DLGAP2: variants seen among roughly 807,000 people sequenced by gnomAD.
DLGAP2 encodes DLG associated protein 2, also known as disks large-associated protein 2.
A neutral mutation model predicts 100.3 loss-of-function variants in DLGAP2; 26 were observed. The ratio of observed to expected loss-of-function variants is 0.26; its 90% CI spans 0.19 to 0.36. DLGAP2 has a LOEUF of 0.36. Among genes scored for constraint, DLGAP2 ranks in the 10% least tolerant of loss-of-function variants. The pLI is 1.00. For synonymous variants in DLGAP2, 886 were observed against 630.1 expected (o/e 1.41, Z -6.08); for missense variants, 1,858 against 1,453.2 (o/e 1.28, Z -4.53).
At chr8:1,001,251 C>G (rs1417498159) in intron 2 of DLGAP2, among the ~76,000 whole-genome samples, 1 of 152,196 alleles carries the variant, frequency 6.6e-6, no homozygotes, top group African/African-American at 2.4e-5. Flanking sequence ...TTGTACTGCA[C>G]ACAGCCTTTC....
chr8:951,225 C>A (rs1030250913), intron 2 of DLGAP2, among the ~76,000 whole-genome samples: 5 of 152,108 alleles, frequency 3.3e-5, no homozygotes, highest in Non-Finnish European at 5.9e-5. Context: ...TATTTTGTTA[C>A]TTTAAAAAAT....
At chr8:1,662,584 T>C (rs1002942071) in intron 8 of DLGAP2, among the ~76,000 whole-genome samples, 7 of 152,242 alleles carry the variant, frequency 4.6e-5, no homozygotes, top group African/African-American at 1.4e-4. Context: ...TGGAGAAGCA[T>C]CTGAATCTCA....
At chr8:1,167,039 G>C (rs1289335812) in intron 2 of DLGAP2, among the ~76,000 whole-genome samples, 1 of 152,162 alleles carries the variant, frequency 6.6e-6, no homozygotes, top group East Asian at 1.9e-4. Flanking sequence ...TGTAGGCTGA[G>C]GTGGGAGGAT....
intron 1 of DLGAP2, among the ~76,000 whole-genome samples, chr8:842,421 A>T (rs1200777314): frequency 6.6e-6 from 1 of 152,226 alleles, no homozygotes; most frequent in African/African-American, 2.4e-5. Context: ...TTGAACAGGC[A>T]CGTGCTTGAA....
intron 3 of DLGAP2, among the ~76,000 whole-genome samples, chr8:1,283,485 T>C (rs1202856618): frequency 6.6e-6 from 1 of 152,264 alleles, no homozygotes; most frequent in Non-Finnish European, 1.5e-5. Context: ...CATCCTTTGC[T>C]CTGCTGAAAA....
chr8:1,128,683 T>C (rs1461912097), intron 2 of DLGAP2, among the ~76,000 whole-genome samples: 1 of 152,218 alleles, frequency 6.6e-6, no homozygotes, highest in African/African-American at 2.4e-5. Context: ...AGATATGAGA[T>C]TGATTTAGCT....
At chr8:1,274,888 C>G (rs954425486) in intron 3 of DLGAP2, among the ~76,000 whole-genome samples, 1 of 151,998 alleles carries the variant, frequency 6.6e-6, no homozygotes, top group Non-Finnish European at 1.5e-5. Context: ...GTAGCAATTA[C>G]TTTATGAATA....
chr8:1,072,065 C>T (rs180701476), intron 2 of DLGAP2, among the ~76,000 whole-genome samples: 16 of 152,306 alleles, frequency 1.1e-4, no homozygotes, highest in Admixed American at 3.3e-4. Flanking sequence ...AGTGGATGAT[C>T]TTTGGCTCCG....
intron 8 of DLGAP2, among the ~76,000 whole-genome samples, chr8:1,666,091 TA>T: frequency 6.6e-6 from 1 of 152,340 alleles, no homozygotes; most frequent in East Asian, 1.9e-4. Context: ...AAATATTTCC[TA>T]ACCCAGGTCT....
intron 1 of DLGAP2, among the ~76,000 whole-genome samples, chr8:783,428 G>C (rs560508375): frequency 6.6e-6 from 1 of 152,198 alleles, no homozygotes; most frequent in Non-Finnish European, 1.5e-5. Flanking sequence ...AGTATCACTT[G>C]TGACTGTTTG....
intron 2 of DLGAP2, among the ~76,000 whole-genome samples, chr8:972,771 C>G (rs1763221870): frequency 6.6e-6 from 1 of 152,134 alleles, no homozygotes; most frequent in African/African-American, 2.4e-5. Flanking sequence ...CTGCGGCCTT[C>G]CGCGGTGTTT....
chr8:1,120,929 A>T (rs1046944244), intron 2 of DLGAP2, among the ~76,000 whole-genome samples: 1 of 147,948 alleles, frequency 6.8e-6, no homozygotes, highest in Admixed American at 6.7e-5. Context: ...GTTAGAACCC[A>T]TGACCTGCCA....
chr8:1,059,321 C>CT (rs1264606083), intron 2 of DLGAP2, among the ~76,000 whole-genome samples: 1 of 137,226 alleles, frequency 7.3e-6, no homozygotes, highest in African/African-American at 3.0e-5. Context: ...GGTATGGACT[C>CT]TCCCTGCCTT....
At chr8:1,415,145 C>T (rs1029469349) in intron 3 of DLGAP2, among the ~76,000 whole-genome samples, 2 of 152,238 alleles carry the variant, frequency 1.3e-5, no homozygotes, top group African/African-American at 2.4e-5. Context: ...TACACACATG[C>T]GTACAAACAG....
intron 1 of DLGAP2, among the ~76,000 whole-genome samples, chr8:752,624 G>A (rs914084515): frequency 6.6e-6 from 1 of 152,176 alleles, no homozygotes; most frequent in African/African-American, 2.4e-5. Context: ...GAGCACAGTG[G>A]GGGCTGCCCA....
At chr8:1,306,922 G>A (rs1193758383) in intron 3 of DLGAP2, among the ~76,000 whole-genome samples, 1 of 151,818 alleles carries the variant, frequency 6.6e-6, no homozygotes, top group Non-Finnish European at 1.5e-5. Context: ...AAACATAAGA[G>A]CTAAACCTGT....
intron 2 of DLGAP2, among the ~76,000 whole-genome samples, chr8:1,055,509 T>C (rs1802855253): frequency 1.3e-5 from 2 of 152,244 alleles, no homozygotes; most frequent in Admixed American, 6.5e-5. Context: ...TTAAAGTCTG[T>C]TGTTATCACT....
chr8:1,667,183 G>T (rs1026050432), intron 8 of DLGAP2, among the ~76,000 whole-genome samples: 1 of 152,174 alleles, frequency 6.6e-6, no homozygotes, highest in Non-Finnish European at 1.5e-5. Flanking sequence ...TGACTGTAAC[G>T]GACAACCAAT....
At chr8:1,589,527 C>T (rs1020242907) in intron 6 of DLGAP2, among the ~76,000 whole-genome samples, 1 of 152,150 alleles carries the variant, frequency 6.6e-6, no homozygotes, top group African/African-American at 2.4e-5. Context: ...GCCTCAACCT[C>T]CCCAGGCTCT....
Sources: gnomAD v4.1 joint callset for allele counts (sites outside exome capture counted in the v4.1 genomes callset) on GRCh38, gnomAD v4.1.1 for gene constraint, MANE v1.5 for transcripts, NCBI Gene and HGNC (gene_info 2026-07-23, HGNC 2026-07-21) for gene names.